PANX1: variants seen among roughly 807,000 people sequenced by gnomAD.
PANX1 encodes the protein pannexin 1.
PANX1 carries 30 observed loss-of-function variants against 38.7 expected under a neutral mutation model. That is an observed-to-expected ratio of 0.78 (90% CI 0.58 to 1.05). The LOEUF (loss-of-function observed/expected upper bound fraction) is 1.05. Among genes scored for constraint, PANX1 ranks in the 50% least tolerant of loss-of-function variants. The pLI is 0.00. For synonymous variants in PANX1, 230 were observed against 212.2 expected (o/e 1.08, Z -0.73); for missense variants, 551 against 517.2 (o/e 1.07, Z -0.63).
chr11:94,166,331 G>A (rs972296156), intron 2 of PANX1, among the ~76,000 whole-genome samples: 1 of 152,130 alleles, frequency 6.6e-6, no homozygotes, highest in Admixed American at 6.5e-5. Flanking sequence ...ACCATGTCTC[G>A]TAAGACAGTT....
rs1338758657 is a variant in PANX1 at position 94,129,005 on chromosome 11, AGGCGCGAATCCGAGTGCCGCGCGC to A, written c.-304_-281del. On this transcript the variant is annotated 5_prime_UTR_variant, in exon 1 of 5. Coordinates refer to ENST00000227638, the MANE Select transcript of PANX1 (RefSeq NM_015368.4). ...TCCCGCGCCTGGGGGTGCGCGGGAGAGGCGCGAATCCGAGTGCCGCGCGCGGCCCGGGGACTTGCACGGGCGTGC... is the reference window on the plus strand; with the variant it reads ...TCCCGCGCCTGGGGGTGCGCGGGAGAGGCCCGGGGACTTGCACGGGCGTGC... 4.4e-6 allele frequency: 1 copy of A among 226,312 alleles called. No homozygotes were observed. Among genetic ancestry groups the A allele is most frequent in the Non-Finnish European group, 8.6e-6 (1 of 116,874 alleles). 14.0% of individuals were successfully genotyped at this position (226,312 alleles called of 1,614,324 possible).
intron 2 of PANX1, among the ~76,000 whole-genome samples, chr11:94,159,719 C>CT (rs1946999341): frequency 6.6e-6 from 1 of 151,890 alleles, no homozygotes; most frequent in Non-Finnish European, 1.5e-5. Flanking sequence ...TTTTGTGTCT[C>CT]TATTTCCTTC....
chr11:94,151,306 A>G (rs1434243732), intron 1 of PANX1, among the ~76,000 whole-genome samples: 3 of 152,156 alleles, frequency 2.0e-5, no homozygotes, highest in Non-Finnish European at 4.4e-5. Flanking sequence ...AGGAGTTTCT[A>G]CTGCTGCCTT....
At chr11:94,150,767 C>T (rs539588136) in intron 1 of PANX1, among the ~76,000 whole-genome samples, 1 of 152,274 alleles carries the variant, frequency 6.6e-6, no homozygotes, top group South Asian at 2.1e-4. Context: ...CCTGGGAATA[C>T]CCAATACCTG....
At chr11:94,165,842 G>C (rs1488253237) in intron 2 of PANX1, among the ~76,000 whole-genome samples, 1 of 152,166 alleles carries the variant, frequency 6.6e-6, no homozygotes, top group Non-Finnish European at 1.5e-5. Context: ...CTTACCAAGA[G>C]GCAGAGGTTG....
intron 2 of PANX1, among the ~76,000 whole-genome samples, chr11:94,172,939 A>T (rs796557647): frequency 8.6e-5 from 13 of 151,858 alleles, no homozygotes; most frequent in African/African-American, 3.2e-4. Context: ...GCACTCCAGA[A>T]TGTCACCCAG....
Position 94,178,601 on chromosome 11 carries a change from GC to G in PANX1, c.545+13del. On this transcript the variant is annotated intron_variant, in intron 3 of 4. Coordinates refer to ENST00000227638, the MANE Select transcript of PANX1 (RefSeq NM_015368.4). ...GAGAACTTAGGGCAAAGGTAACTTAGCCCCAGCAGGCAGCTCATCGGGTTTT... is the reference window on the plus strand; with the variant it reads ...GAGAACTTAGGGCAAAGGTAACTTAGCCCAGCAGGCAGCTCATCGGGTTTT... The G allele has an allele frequency of 1.9e-6, 3 of 1,599,796 alleles. No homozygotes were observed. The highest frequency in any genetic ancestry group is 2.6e-6 in the Non-Finnish European group (3 of 1,167,308).
chr11:94,153,499 A>G lies in PANX1; in HGVS notation c.190A>G (p.Ile64Val). 6.2e-7 allele frequency: 1 copy of G among 1,614,174 alleles called. No homozygotes were observed. Among genetic ancestry groups the G allele is most frequent in the South Asian group, 1.1e-5 (1 of 91,066 alleles). The change falls in exon 2 of 5, where the codon ATA becomes GTA. Residue 64 changes from isoleucine (I) to valine (V), a missense_variant. Transcript: ENST00000227638. ...TCTGTTTTGCTTCTTAGGTACACAG[A>G]TAAGCTGTTTCTCTCCAAGTTCTTT... ...FAQEISIGTQ[I>V]SCFSPSSFSW...
rs191640046 is a variant in PANX1, at chr11:94,148,041, G to A, written c.182-5450G>A. On this transcript the variant is annotated intron_variant, in intron 1 of 4. Coordinates refer to ENST00000227638, the MANE Select transcript of PANX1 (RefSeq NM_015368.4). ...TAGCTGTGGGAAAGAAAGACCTGGT[G>A]AACCAATGTGGTTTAAAGGAAAAAA... 3.2e-3 allele frequency among the ~76,000 whole-genome samples: 490 copies of A among 152,054 alleles called. 4 individuals are homozygous for A. Among genetic ancestry groups the A allele is most frequent in the African/African-American group, 0.011 (454 of 41,466 alleles).
chr11:94,159,957 C>G (rs1591517582), intron 2 of PANX1, among the ~76,000 whole-genome samples: 1 of 151,854 alleles, frequency 6.6e-6, no homozygotes, highest in African/African-American at 2.4e-5. Context: ...CAAAGAACAT[C>G]TTTATTTCTG....
intron 2 of PANX1, among the ~76,000 whole-genome samples, chr11:94,163,777 G>GT (rs1297756269): frequency 1.3e-5 from 2 of 152,082 alleles, no homozygotes; most frequent in African/African-American, 2.4e-5. Flanking sequence ...TCCCTCCTCA[G>GT]TTTTTTTGAA....
chr11:94,142,907 C>A (rs1946780148), intron 1 of PANX1, among the ~76,000 whole-genome samples: 1 of 152,242 alleles, frequency 6.6e-6, no homozygotes, highest in South Asian at 2.1e-4. Flanking sequence ...ATTAAATACC[C>A]AGCTCTGATG....
chr11:94,170,272 T>C (rs1947150553), intron 2 of PANX1, among the ~76,000 whole-genome samples: 1 of 151,730 alleles, frequency 6.6e-6, no homozygotes, highest in African/African-American at 2.4e-5. Context: ...TCTCTGCATT[T>C]GTCTATTCTA....
At chr11:94,155,601 A>G (rs1946940888) in intron 2 of PANX1, among the ~76,000 whole-genome samples, 1 of 152,160 alleles carries the variant, frequency 6.6e-6, no homozygotes, top group African/African-American at 2.4e-5. Flanking sequence ...GTGGAAGTGG[A>G]ACATCATAAA....
intron 1 of PANX1, among the ~76,000 whole-genome samples, chr11:94,151,532 C>T (rs1946882563): frequency 1.3e-5 from 2 of 152,182 alleles, no homozygotes; most frequent in African/African-American, 4.8e-5. Context: ...GCATCCTTGC[C>T]AGAAACCATC....
chr11:94,176,300 T>G (rs563479824), intron 2 of PANX1, among the ~76,000 whole-genome samples: 1 of 151,748 alleles, frequency 6.6e-6, no homozygotes, highest in East Asian at 1.9e-4. Context: ...TATATATATA[T>G]TATTTTATGC....
intron 1 of PANX1, among the ~76,000 whole-genome samples, chr11:94,141,500 G>A (rs1269170006): frequency 1.3e-5 from 2 of 152,088 alleles, no homozygotes; most frequent in African/African-American, 2.4e-5. Context: ...TGATCCTAGA[G>A]AGACTGACAG....
chr11:94,139,002 G>A (rs985049967), intron 1 of PANX1, among the ~76,000 whole-genome samples: 7 of 152,136 alleles, frequency 4.6e-5, no homozygotes, highest in African/African-American at 1.4e-4. Context: ...GGTGCTATAA[G>A]TCAAGACTCT....
chr11:94,130,305 G>A (rs1430495306), intron 1 of PANX1, among the ~76,000 whole-genome samples: 4 of 152,174 alleles, frequency 2.6e-5, no homozygotes, highest in Admixed American at 2.0e-4. Flanking sequence ...GAAAACTTTT[G>A]TCAGAGGGTG....
Sources: gnomAD v4.1 joint callset for allele counts (sites outside exome capture counted in the v4.1 genomes callset) on GRCh38, gnomAD v4.1.1 for gene constraint, MANE v1.5 for transcripts, NCBI Gene and HGNC (gene_info 2026-07-23, HGNC 2026-07-21) for gene names.